COQ2: variants seen among roughly 807,000 people sequenced by gnomAD.
The protein encoded by COQ2 is coenzyme Q2, polyprenyltransferase, also known as 4-hydroxybenzoate polyprenyltransferase, mitochondrial.
COQ2 carries 25 observed loss-of-function variants against 35.7 expected under a neutral mutation model. The observed-to-expected ratio is 0.70, with a 90% CI of 0.51 to 0.98. The LOEUF is 0.98. COQ2 is among the 50% of genes least tolerant of loss of function. The pLI is 0.00. For missense variants in COQ2, 488 were observed against 473.5 expected, an observed-to-expected ratio of 1.03 and a Z score of -0.28; for synonymous variants, 206 against 186.2, an observed-to-expected ratio of 1.11 and a Z score of -0.86.
chr4:83,267,607 T>C lies in COQ2; in HGVS notation c.930A>G (p.Val310=). 1 of 1,583,616 alleles carries C rather than the reference T, an allele frequency of 6.3e-7. No homozygotes were observed. The highest frequency in any genetic ancestry group is 8.6e-7 in the Non-Finnish European group (1 of 1,166,116). ...TAPYYAALGA[V]GAHLTHQIYT... ...AAACCTGGTGAGTCAGATGGGCTCC[T>C]ACAGCACCCAGGGCAGCGTAGTAGG... is the stretch of plus-strand genomic sequence containing the variant. The change falls in exon 6 of 7, where the codon GTA becomes GTG. Residue 310 remains valine (V), a synonymous_variant. Transcript: ENST00000647002.
Position 83,264,348 on chromosome 4 carries a change from T to C in COQ2, c.967A>G (p.Ile323Val), listed in dbSNP as rs1734860605. 1 of 1,608,576 alleles carries C rather than the reference T, an allele frequency of 6.2e-7. No homozygotes were observed. Among genetic ancestry groups the C allele is most frequent in the African/African-American group, 1.3e-5 (1 of 74,606 alleles). ...HLTHQIYTLD[I>V]HRPEDCWNKF... ...TTCCAACAATCCTCAGGTCTGTGGA[T>C]GTCTAGAGTGTAAATCTGCAAGAGA... The change falls in exon 7 of 7, where the codon ATC becomes GTC. Residue 323 changes from isoleucine (I) to valine (V), a missense_variant. Coordinates refer to ENST00000647002, the MANE Select transcript of COQ2 (RefSeq NM_001358921.2).
intron 1 of COQ2, among the ~76,000 whole-genome samples, chr4:83,281,045 A>C (rs1395870345): frequency 1.3e-5 from 2 of 152,180 alleles, no homozygotes; most frequent in Non-Finnish European, 2.9e-5. Flanking sequence ...ACAGCTTCTG[A>C]CTTCCAGGCT....
intron 1 of COQ2, chr4:83,281,670 A>ACTTACC (rs1224998289): frequency 6.6e-6 from 1 of 152,222 alleles, no homozygotes; most frequent in African/African-American, 2.4e-5. Flanking sequence ...TAACAGATAC[A>ACTTACC]TGGCACTTAC....
At chr4:83,275,415 CT>C (rs11293285) in intron 2 of COQ2, among the ~76,000 whole-genome samples, 102,563 of 147,928 alleles carry the variant, frequency 0.69, 35,541 homozygotes, top group East Asian at 0.87. Flanking sequence ...GCCAAGTAGG[CT>C]TTTTTTTTTT....
chr4:83,266,760 G>A (rs1734929016), intron 6 of COQ2: 1 of 163,150 alleles, frequency 6.1e-6, no homozygotes, highest in African/African-American at 2.4e-5. Context: ...ACAGGTAGGG[G>A]ATGTGGTGTG....
At chr4:83,284,963 A>G (rs572504306), upstream of COQ2, 7 of 1,353,400 alleles carry the variant, frequency 5.2e-6, no homozygotes, top group Admixed American at 3.3e-5. Context: ...AGGGATTTCT[A>G]TTGGCAAAAG....
intron 2 of COQ2, among the ~76,000 whole-genome samples, chr4:83,278,680 C>CCT (rs1333978541): frequency 6.6e-6 from 1 of 152,166 alleles, no homozygotes; most frequent in African/African-American, 2.4e-5. Context: ...CCTTTAACTC[C>CCT]CTCACCCTCA....
At chr4:83,267,098 G>C in intron 6 of COQ2, 1 of 448,206 alleles carries the variant, frequency 2.2e-6, no homozygotes, top group Admixed American at 2.4e-5. Context: ...ACCTTGGCTG[G>C]GGTTGGTAGC....
intron 2 of COQ2, among the ~76,000 whole-genome samples, chr4:83,274,503 C>T (rs1057504360): frequency 6.6e-6 from 1 of 151,986 alleles, no homozygotes; most frequent in African/African-American, 2.4e-5. Context: ...CCCTTTTAAT[C>T]TTCTTAACGG....
chr4:83,267,623 G>A lies in COQ2; in HGVS notation c.914C>T (p.Ala305Val). 1 of 1,586,556 alleles carries A rather than the reference G, an allele frequency of 6.3e-7. No individual in the cohort carries two copies. The highest frequency in any genetic ancestry group is 8.6e-7 in the Non-Finnish European group (1 of 1,166,578). ...VNSGQTAPYY[A>V]ALGAVGAHLT... ...ATGGGCTCCTACAGCACCCAGGGCA[G>A]CGTAGTAGGGAGCAGTCTGTCCACT... The change falls in exon 6 of 7, where the codon GCT (alanine) becomes GTT (valine). Residue 305 changes from alanine to valine, a missense_variant. By Grantham distance (64) the Ala-to-Val change is moderately conservative. Coordinates refer to ENST00000647002, the MANE Select transcript of COQ2 (RefSeq NM_001358921.2).
At chr4:83,283,866 C>T (rs1735386011) in intron 1 of COQ2, 1 of 985,312 alleles carries the variant, frequency 1.0e-6, no homozygotes, top group African/African-American at 1.7e-5. Context: ...ATAGGAAGGT[C>T]AGGAAAATCT....
At chr4:83,273,308 C>G (rs1336262057) in intron 3 of COQ2, among the ~76,000 whole-genome samples, 188 bp downstream of exon 3, 1 of 152,220 alleles carries the variant, frequency 6.6e-6, no homozygotes, top group African/African-American at 2.4e-5. Flanking sequence ...CATTTCTTAA[C>G]TCCTTTGGCT....
At chr4:83,264,509 T>C (rs769673959) in intron 6 of COQ2, 146 bp from the exon 7 acceptor site, 7 of 1,217,260 alleles carry the variant, frequency 5.8e-6, no homozygotes, top group East Asian at 2.9e-5. Flanking sequence ...CGAAGGCACA[T>C]GCCTGTAGTC....
At chr4:83,279,478 T>A (rs138152971) in intron 1 of COQ2, among the ~76,000 whole-genome samples, 1 of 152,228 alleles carries the variant, frequency 6.6e-6, no homozygotes, top group East Asian at 1.9e-4. Context: ...GACAACACAC[T>A]CTAGGGAGTT....
At chr4:83,273,980 C>CCA (rs1735107983) in intron 2 of COQ2, among the ~76,000 whole-genome samples, 1 of 29,056 alleles carries the variant, frequency 3.4e-5, no homozygotes, top group Non-Finnish European at 6.9e-5. Context: ...GCTGTCTCTA[C>CCA]AAAAAAAAAA....
chr4:83,265,428 T>A (rs1198132243), intron 6 of COQ2, among the ~76,000 whole-genome samples: 1 of 151,848 alleles, frequency 6.6e-6, no homozygotes, highest in African/African-American at 2.4e-5. Flanking sequence ...AAAAATGAGC[T>A]GGGCATGATG....
chr4:83,278,117 A>G lies in COQ2; in HGVS notation c.420+831T>C, dbSNP rs147786789. ...AAAGGTAAACTAGGATCGATTATTA[A>G]CTTTATATAAGATTATTCACTTTTT... On this transcript the variant is annotated intron_variant, in intron 2 of 6. Transcript: ENST00000647002. Among the ~76,000 whole-genome samples, 95 of 151,852 alleles carry G rather than the reference A, an allele frequency of 6.3e-4. No individual in the cohort carries two copies. The South Asian group carries it at 8.7e-3, about 14-fold the overall frequency.
Position 83,284,607 on chromosome 4 carries a change from C to T in COQ2, c.158G>A (p.Gly53Glu), listed in dbSNP as rs771000084. 7.8e-6 allele frequency: 12 copies of T among 1,534,260 alleles called. No individual in the cohort carries two copies. The highest frequency in any genetic ancestry group is 6.0e-5 in the South Asian group (5 of 82,764). Residue 53 changes from glycine to glutamate, a missense_variant, in exon 1 of 7, where the codon GGG becomes GAG. Coordinates refer to ENST00000647002, the MANE Select transcript of COQ2 (RefSeq NM_001358921.2). Reference sequence around the variant, plus strand: ...CGCCGCGGACAAACTGAGCTGGCGCCCGCGCGGCTCGGGACAGGCGGGGGG... The same window carrying T: ...CGCCGCGGACAAACTGAGCTGGCGCTCGCGCGGCTCGGGACAGGCGGGGGG... ...LQPPACPEPR[G>E]RQLSLSAAAV...
chr4:83,283,282 G>GTATGA, intron 1 of COQ2: 3 of 985,398 alleles, frequency 3.0e-6, no homozygotes. Flanking sequence ...TCCATACACT[G>GTATGA]CAATGGCAAA....
Sources: allele counts gnomAD v4.1 joint callset (sites outside exome capture counted in the v4.1 genomes callset), GRCh38; gene constraint gnomAD v4.1.1; transcripts MANE v1.5; gene names NCBI Gene and HGNC (gene_info 2026-07-23, HGNC 2026-07-21).